Variants in ZNF560 observed in about 807,000 individuals in gnomAD.
The protein encoded by ZNF560 is zinc finger protein 560.
Under a neutral mutation model 81.8 loss-of-function variants are expected in ZNF560, and 54 were observed. That is an observed-to-expected ratio of 0.66 (90% confidence interval 0.53 to 0.83). The LOEUF is 0.83. Ranked by LOEUF, ZNF560 falls within the 40% of genes least tolerant of loss-of-function variation. ZNF560 has a pLI of 0.00. For synonymous variants in ZNF560, 321 were observed against 317.9 expected (o/e 1.01, Z -0.10); for missense variants, 940 against 932.4 (o/e 1.01, Z -0.11).
At chr19:9,462,224 A>G (rs137932403), downstream of ZNF560, among the ~76,000 whole-genome samples, 387 of 152,320 alleles carry the variant, frequency 2.5e-3, 2 homozygotes, top group African/African-American at 9.1e-3. Context: ...TGATGCACAC[A>G]CTGGAGGTTG....
In ZNF560 at chr19:9,466,856, C is replaced by G; in HGVS notation, c.2091G>C (p.Met697Ile). Reference protein sequence around the residue: ...NACGNSFRNSMCFHDRLKTLT... With the variant: ...NACGNSFRNSICFHDRLKTLT... ...GAGTTTTTAAGCGATCATGAAAGCA[C>G]ATGGAATTTCGAAAGGAATTTCCAC... The change falls in exon 10 of 10, where the codon ATG becomes ATC. Residue 697 changes from methionine (M) to isoleucine (I), a missense_variant. Met to Ile is a conservative substitution (Grantham distance 10). Transcript: ENST00000301480. The G allele has an allele frequency of 6.2e-7, 1 of 1,613,650 alleles. No individual in the cohort carries two copies.
Position 9,484,467 on chromosome 19 carries a change from A to C in ZNF560, c.-56-9098T>G, listed in dbSNP as rs550227521. ...AGATTTTAAAGGCTTAGTATAAAAG[A>C]AGCATAACATATCTCATTAATAATT... On this transcript the variant is annotated intron_variant, in intron 2 of 9. Coordinates refer to ENST00000301480, the MANE Select transcript of ZNF560 (RefSeq NM_152476.3). Among the ~76,000 whole-genome samples the C allele has an allele frequency of 3.3e-5, 5 of 152,120 alleles. No homozygotes were observed. In the East Asian group the frequency reaches 9.7e-4, roughly 29 times the overall value.
chr19:9,466,504 T>A lies in ZNF560; in HGVS notation c.*70A>T. ...AGTGTTACTTTCTCCTGTGAATTTT[T>A]ACATGTTCAGTTAGGCTTGAGGAAA... is the stretch of plus-strand genomic sequence containing the variant. On this transcript the variant is annotated 3_prime_UTR_variant, in exon 10 of 10. Coordinates refer to ENST00000301480, the MANE Select transcript of ZNF560 (RefSeq NM_152476.3). The A allele has an allele frequency of 7.0e-7, 1 of 1,419,476 alleles. No homozygotes were observed. Among genetic ancestry groups the A allele is most frequent in the South Asian group, 1.4e-5 (1 of 71,598 alleles). The allele number at this position is 1,419,476 out of a possible 1,614,324, so 87.9% of individuals were successfully genotyped here.
chr19:9,466,855 A>G lies in ZNF560; in HGVS notation c.2092T>C (p.Cys698Arg). The G allele has an allele frequency of 6.2e-7, 1 of 1,614,042 alleles. No individual in the cohort carries two copies. Among genetic ancestry groups the G allele is most frequent in the Non-Finnish European group, 8.5e-7 (1 of 1,179,998 alleles). Reference protein sequence around the residue: ...ACGNSFRNSMCFHDRLKTLTK... With the variant: ...ACGNSFRNSMRFHDRLKTLTK... Reference sequence around the variant, plus strand: ...AGAGTTTTTAAGCGATCATGAAAGCACATGGAATTTCGAAAGGAATTTCCA... The same window carrying G: ...AGAGTTTTTAAGCGATCATGAAAGCGCATGGAATTTCGAAAGGAATTTCCA... Residue 698 changes from cysteine to arginine, a missense_variant, in exon 10 of 10, where the codon TGC becomes CGC. Coordinates refer to ENST00000301480, the MANE Select transcript of ZNF560 (RefSeq NM_152476.3).
chr19:9,488,934 C>A (rs117371419), intron 2 of ZNF560, among the ~76,000 whole-genome samples: 2,157 of 152,202 alleles, frequency 0.014, 37 homozygotes, highest in Admixed American at 0.028. Context: ...GCACCTCCCC[C>A]TCATTCTCCC....
upstream of ZNF560, among the ~76,000 whole-genome samples, chr19:9,500,909 G>T (rs986818954): frequency 3.9e-5 from 6 of 151,976 alleles, no homozygotes; most frequent in African/African-American, 1.5e-4. Context: ...AAAGTGTTGG[G>T]TTTCATCAAA....
chr19:9,468,140 C>T lies in ZNF560; in HGVS notation c.807G>A (p.Lys269=), dbSNP rs1413284298. 9.9e-6 allele frequency: 16 copies of T among 1,613,880 alleles called. No individual in the cohort carries two copies. Among genetic ancestry groups the T allele is most frequent in the Non-Finnish European group, 1.4e-5 (16 of 1,179,992 alleles). The change falls in exon 10 of 10, where the codon AAG becomes AAA. Residue 269 remains lysine (K), a synonymous_variant. Coordinates refer to ENST00000301480, the MANE Select transcript of ZNF560 (RefSeq NM_152476.3). ...STIRKVSVFS[K]HGKSFRLILN... The stretch of plus-strand genomic sequence containing the variant: ...AAATCAGGCGGAAAGATTTTCCATG[C>T]TTACTGAACACAGAAACTTTCCTTA...
At chr19:9,488,861 T>C (rs537033145) in intron 2 of ZNF560, among the ~76,000 whole-genome samples, 2 of 152,306 alleles carry the variant, frequency 1.3e-5, no homozygotes, top group African/African-American at 2.4e-5. Flanking sequence ...AGATTTCTCA[T>C]GAATGGTTTA....
chr19:9,491,795 C>T (rs1423233593), intron 2 of ZNF560, among the ~76,000 whole-genome samples: 9 of 102,008 alleles, frequency 8.8e-5, no homozygotes, highest in African/African-American at 2.2e-4. Context: ...CACTGCACTC[C>T]AGCCTGGGCG....
chr19:9,486,226 T>C (rs1019407462), intron 2 of ZNF560, among the ~76,000 whole-genome samples: 2 of 152,124 alleles, frequency 1.3e-5, no homozygotes, highest in Non-Finnish European at 2.9e-5. Context: ...TGGTAAGCAG[T>C]ATCCTGGGGT....
At chr19:9,469,774 G>C in intron 7 of ZNF560, 64 bp from the exon 8 acceptor site, 4 of 1,365,094 alleles carry the variant, frequency 2.9e-6, no homozygotes, top group Non-Finnish European at 4.2e-6. Flanking sequence ...ACTTTTCCAT[G>C]AAACAGGGAC....
chr19:9,486,285 G>A (rs1024155917), intron 2 of ZNF560, among the ~76,000 whole-genome samples: 1 of 152,014 alleles, frequency 6.6e-6, no homozygotes, highest in Non-Finnish European at 1.5e-5. Flanking sequence ...AAAGACTCTT[G>A]GCCAACACTC....
At chr19:9,485,879 G>C (rs1431999022) in intron 2 of ZNF560, among the ~76,000 whole-genome samples, 4 of 152,116 alleles carry the variant, frequency 2.6e-5, no homozygotes, top group African/African-American at 9.7e-5. Flanking sequence ...ACATGCTCAA[G>C]TATCTTAGGG....
the ZNF560 span, among the ~76,000 whole-genome samples, chr19:9,459,999 C>T: frequency 6.6e-6 from 1 of 152,134 alleles, no homozygotes; most frequent in African/African-American, 2.4e-5. Context: ...GAAAGTGGAA[C>T]AACGGGTTTG....
chr19:9,481,614 G>A (rs1323927270), intron 2 of ZNF560, among the ~76,000 whole-genome samples: 1 of 152,108 alleles, frequency 6.6e-6, no homozygotes, highest in East Asian at 1.9e-4. Context: ...GTGGGCAAAG[G>A]ACATGAACAG....
chr19:9,489,492 G>A (rs985776375), intron 2 of ZNF560, among the ~76,000 whole-genome samples: 25 of 150,826 alleles, frequency 1.7e-4, no homozygotes, highest in African/African-American at 4.4e-4. Flanking sequence ...TGGGGCTGCC[G>A]GGCAGAGGTG....
At chr19:9,472,246 C>G (rs1047980963) in intron 5 of ZNF560, among the ~76,000 whole-genome samples, 1 of 152,068 alleles carries the variant, frequency 6.6e-6, no homozygotes, top group African/African-American at 2.4e-5. Flanking sequence ...GGGGGTGGGT[C>G]CTTCATGAAT....
chr19:9,487,651 T>C (rs1688583734), intron 2 of ZNF560, among the ~76,000 whole-genome samples: 1 of 152,140 alleles, frequency 6.6e-6, no homozygotes, highest in South Asian at 2.1e-4. Context: ...GCAACTGCCT[T>C]TACTGGGGCT....
rs61743338 is a variant in ZNF560 at position 9,467,869 on chromosome 19, G to T, written c.1078C>A (p.Pro360Thr). ...TGCATGTGATTATTAAGGTGGGTAG[G>T]GTATCTAAAATCTTTTCCACATTCC... Reference protein sequence around the residue: ...CKECGKDFRYPTHLNNHMQTH... With the variant: ...CKECGKDFRYTTHLNNHMQTH... The change falls in exon 10 of 10, where the codon CCT (proline) becomes ACT (threonine). Residue 360 changes from proline to threonine, a missense_variant. Coordinates refer to ENST00000301480, the MANE Select transcript of ZNF560 (RefSeq NM_152476.3). 5 of 1,613,900 alleles carry T rather than the reference G, an allele frequency of 3.1e-6. No individual in the cohort carries two copies. In the African/African-American group the frequency reaches 6.7e-5, roughly 22 times the overall value.
Sources: allele counts gnomAD v4.1 joint callset (sites outside exome capture counted in the v4.1 genomes callset), GRCh38; gene constraint gnomAD v4.1.1; transcripts MANE v1.5; gene names NCBI Gene and HGNC (gene_info 2026-07-23, HGNC 2026-07-21).